The following SYT1 variants were observed in gnomAD, a reference collection of about 807,000 sequenced individuals.
SYT1 encodes the protein synaptotagmin-1.
Under a neutral mutation model 44.8 loss-of-function variants are expected in SYT1, and 8 were observed. That is an observed-to-expected ratio of 0.18 (90% CI 0.10 to 0.32). The LOEUF is 0.32. Among genes scored for constraint, SYT1 ranks in the 10% least tolerant of loss-of-function variants. SYT1 has a pLI of 1.00. For missense variants in SYT1, 286 were observed against 509.3 expected, an observed-to-expected ratio of 0.56 and a Z score of 4.22; for synonymous variants, 154 against 188.8, an observed-to-expected ratio of 0.82 and a Z score of 1.51.
At chr12:79,313,494 A>G (rs1364145199) in intron 8 of SYT1, among the ~76,000 whole-genome samples, 1 of 151,940 alleles carries the variant, frequency 6.6e-6, no homozygotes, top group Non-Finnish European at 1.5e-5. Context: ...CCATGTACCA[A>G]GTTTTTGGTC....
intron 3 of SYT1, among the ~76,000 whole-genome samples, chr12:79,067,608 T>G (rs1875962992): frequency 6.6e-6 from 1 of 152,170 alleles, no homozygotes; most frequent in African/African-American, 2.4e-5. Context: ...AACAAGTAAC[T>G]AATGCAAGTG....
intron 1 of SYT1, chr12:78,976,807 G>A (rs942857358): frequency 6.6e-6 from 1 of 152,058 alleles, no homozygotes; most frequent in Admixed American, 6.6e-5. Context: ...TGATTTTAAT[G>A]TATGCTCTAC....
chr12:78,931,327 G>A (rs1386049411), intron 1 of SYT1, among the ~76,000 whole-genome samples: 11 of 23,328 alleles, frequency 4.7e-4, no homozygotes, highest in African/African-American at 2.2e-3. Context: ...GAGGGAGGGA[G>A]GGAGGGAGGG....
intron 1 of SYT1, among the ~76,000 whole-genome samples, chr12:78,956,164 T>A: frequency 6.6e-6 from 1 of 151,950 alleles, no homozygotes; most frequent in East Asian, 1.9e-4. Flanking sequence ...AATAATGGAG[T>A]ACCAACATTG....
chr12:79,202,869 A>G (rs1873872013), intron 3 of SYT1, among the ~76,000 whole-genome samples: 1 of 152,190 alleles, frequency 6.6e-6, no homozygotes, highest in South Asian at 2.1e-4. Context: ...CATCAATTCA[A>G]TTCATATTTA....
chr12:79,352,207 C>CG (rs555740637), intron 8 of SYT1, among the ~76,000 whole-genome samples: 8 of 147,950 alleles, frequency 5.4e-5, no homozygotes, highest in African/African-American at 1.7e-4. Context: ...AAAAAAAAAA[C>CG]GGGGGGGAAT....
chr12:79,037,492 G>T (rs150298988), intron 2 of SYT1, among the ~76,000 whole-genome samples: 133 of 151,832 alleles, frequency 8.8e-4, no homozygotes, highest in African/African-American at 3.1e-3. Flanking sequence ...AAAATGAGTA[G>T]TTCTTTCATC....
At chr12:78,957,470 C>A (rs904848271) in intron 1 of SYT1, among the ~76,000 whole-genome samples, 3 of 152,126 alleles carry the variant, frequency 2.0e-5, no homozygotes, top group African/African-American at 7.2e-5. Flanking sequence ...ATAATACTTA[C>A]ATTATTTCAA....
At chr12:79,367,400 A>G (rs1883592397) in intron 9 of SYT1, among the ~76,000 whole-genome samples, 2 of 152,278 alleles carry the variant, frequency 1.3e-5, no homozygotes, top group Middle Eastern at 6.8e-3. Flanking sequence ...TGTCTTTCCA[A>G]ATAATTTTGC....
chr12:79,158,560 T>C (rs1278141769), intron 3 of SYT1, among the ~76,000 whole-genome samples: 2 of 151,756 alleles, frequency 1.3e-5, no homozygotes, highest in East Asian at 3.9e-4. Flanking sequence ...AATAAGAGAG[T>C]GACCCTTTCA....
rs1870915959 is a variant in SYT1 at position 79,449,373 on chromosome 12, A to AATT, written c.*253_*255dup. ...TGATGTGTAGATAGAGCATGAATGAAATTATTTATTGTATCACACTGTTGT... is the reference window on the plus strand; with the variant it reads ...TGATGTGTAGATAGAGCATGAATGAAATTATTATTTATTGTATCACACTGTTGT... On this transcript the variant is annotated 3_prime_UTR_variant, in exon 11 of 11. Transcript: ENST00000261205. 1 of 485,880 alleles carries AATT rather than the reference A, an allele frequency of 2.1e-6. No homozygotes were observed. Among genetic ancestry groups the AATT allele is most frequent in the Admixed American group, 3.6e-5 (1 of 27,944 alleles). The allele number at this position is 485,880 out of a possible 1,614,324, so 30.1% of individuals were successfully genotyped here.
intron 3 of SYT1, among the ~76,000 whole-genome samples, chr12:79,140,569 G>A (rs12300286): frequency 0.04 from 6,023 of 152,180 alleles, 398 homozygotes; most frequent in African/African-American, 0.14. Context: ...ATAAAAGACC[G>A]TGTGCTTCGT....
chr12:79,121,609 C>G (rs973147151), intron 3 of SYT1, among the ~76,000 whole-genome samples: 2 of 152,194 alleles, frequency 1.3e-5, no homozygotes, highest in Non-Finnish European at 2.9e-5. Flanking sequence ...ATAACCTGCT[C>G]CCATGCCCAT....
At chr12:78,942,227 T>C (rs1346361909) in intron 1 of SYT1, among the ~76,000 whole-genome samples, 1 of 152,210 alleles carries the variant, frequency 6.6e-6, no homozygotes, top group Non-Finnish European at 1.5e-5. Flanking sequence ...ATTCATTGAA[T>C]CCTCCAAAAC....
At chr12:79,356,242 A>C (rs543986139) in intron 9 of SYT1, among the ~76,000 whole-genome samples, 4 of 151,730 alleles carry the variant, frequency 2.6e-5, no homozygotes, top group Non-Finnish European at 5.9e-5. Context: ...CCACCTACTC[A>C]TGAGGTCTTA....
At chr12:78,979,256 A>G (rs1869073345) in intron 2 of SYT1, among the ~76,000 whole-genome samples, 1 of 152,156 alleles carries the variant, frequency 6.6e-6, no homozygotes, top group Non-Finnish European at 1.5e-5. Context: ...TATGATTCTT[A>G]CCATACAGAT....
At chr12:79,382,579 TA>T (rs1186313076) in intron 9 of SYT1, among the ~76,000 whole-genome samples, 3 of 151,650 alleles carry the variant, frequency 2.0e-5, no homozygotes, top group Non-Finnish European at 4.4e-5. Flanking sequence ...GAAAGGAAGT[TA>T]AAAAAAAGAA....
At chr12:79,156,261 T>G (rs1364990519) in intron 3 of SYT1, among the ~76,000 whole-genome samples, 3 of 152,194 alleles carry the variant, frequency 2.0e-5, no homozygotes, top group Admixed American at 6.6e-5. Flanking sequence ...AGCGAGGCCG[T>G]ATGACCTCAT....
chr12:79,223,407 A>G (rs1282112308), intron 4 of SYT1, among the ~76,000 whole-genome samples: 1 of 152,170 alleles, frequency 6.6e-6, no homozygotes, highest in Non-Finnish European at 1.5e-5. Flanking sequence ...ATGCAAATGG[A>G]AAGACACTAA....
Sources: gnomAD v4.1 joint callset for allele counts (sites outside exome capture counted in the v4.1 genomes callset) on GRCh38, gnomAD v4.1.1 for gene constraint, MANE v1.5 for transcripts, NCBI Gene and HGNC (gene_info 2026-07-23, HGNC 2026-07-21) for gene names.